GAN: variants seen among roughly 807,000 people sequenced by gnomAD.
GAN encodes the protein epididymis secretory sperm binding protein.
In GAN, 48 loss-of-function variants were observed where a neutral mutation model predicts 71.3. The ratio of observed to expected loss-of-function variants is 0.67; its 90% CI spans 0.53 to 0.86. GAN has a LOEUF of 0.86. Among genes scored for constraint, GAN ranks in the 40% least tolerant of loss-of-function variants. The probability of loss-of-function intolerance (pLI) is 0.00; values close to 1 mark genes in which losing one functional copy is unlikely to be tolerated. For synonymous variants in GAN, 386 were observed against 276.8 expected, an observed-to-expected ratio of 1.39 and a Z score of -3.92; for missense variants, 928 against 770.1, an observed-to-expected ratio of 1.21 and a Z score of -2.43.
intron 9 of GAN, among the ~76,000 whole-genome samples, chr16:81,375,871 G>C (rs1189333348): frequency 6.6e-6 from 1 of 151,762 alleles, no homozygotes; most frequent in African/African-American, 2.4e-5. Flanking sequence ...TTGGGAGGGT[G>C]GGGTGAGAGG....
At chr16:81,349,625 CAGAGTG>C (rs1442230074) in intron 1 of GAN, among the ~76,000 whole-genome samples, 5 of 152,282 alleles carry the variant, frequency 3.3e-5, no homozygotes, top group African/African-American at 1.2e-4. Context: ...GACTGGGTGA[CAGAGTG>C]AGACCCTGTC....
intron 1 of GAN, among the ~76,000 whole-genome samples, chr16:81,317,742 C>A (rs1909092568): frequency 6.6e-6 from 1 of 152,220 alleles, no homozygotes; most frequent in Non-Finnish European, 1.5e-5. Context: ...TTTCACCGTT[C>A]TCTTTGTGTA....
At chr16:81,376,800 C>T (rs1369913940) in intron 9 of GAN, among the ~76,000 whole-genome samples, 1 of 152,034 alleles carries the variant, frequency 6.6e-6, no homozygotes, top group Non-Finnish European at 1.5e-5. Flanking sequence ...ATCACCTGAA[C>T]TGGTAGGTTG....
chr16:81,345,851 C>G (rs536027024), intron 1 of GAN, among the ~76,000 whole-genome samples: 1 of 152,196 alleles, frequency 6.6e-6, no homozygotes, highest in Non-Finnish European at 1.5e-5. Flanking sequence ...GACAGGAGTT[C>G]TGGGGATGGT....
chr16:81,340,569 A>G (rs1406058652), intron 1 of GAN, among the ~76,000 whole-genome samples: 1 of 152,186 alleles, frequency 6.6e-6, no homozygotes, highest in Admixed American at 6.5e-5. Flanking sequence ...GAAAACTAAC[A>G]AACAGAAAGG....
intron 1 of GAN, among the ~76,000 whole-genome samples, chr16:81,341,661 A>T (rs922116088): frequency 6.6e-6 from 1 of 152,200 alleles, no homozygotes; most frequent in South Asian, 2.1e-4. Context: ...AACAACCGGT[A>T]CCAGCCACTG....
At chr16:81,336,320 G>C (rs1255376921) in intron 1 of GAN, among the ~76,000 whole-genome samples, 1 of 152,224 alleles carries the variant, frequency 6.6e-6, no homozygotes, top group Non-Finnish European at 1.5e-5. Flanking sequence ...GTGAGATAGA[G>C]GGGTTGGTAT....
intron 1 of GAN, among the ~76,000 whole-genome samples, chr16:81,329,454 C>G (rs537731088): frequency 3.9e-5 from 6 of 152,328 alleles, no homozygotes; most frequent in South Asian, 4.1e-4. Context: ...ATTTCCCTGA[C>G]CTTGCAACCA....
intron 1 of GAN, among the ~76,000 whole-genome samples, chr16:81,325,261 C>G (rs890966898): frequency 3.9e-5 from 6 of 152,184 alleles, no homozygotes. Flanking sequence ...ATACTTCTAG[C>G]TGTAGGAATT....
At chr16:81,343,997 G>C (rs1315595100) in intron 1 of GAN, among the ~76,000 whole-genome samples, 1 of 152,174 alleles carries the variant, frequency 6.6e-6, no homozygotes, top group Admixed American at 6.5e-5. Flanking sequence ...AATCATGAGT[G>C]AACTCCCATT....
chr16:81,327,027 G>T (rs534154600), intron 1 of GAN, among the ~76,000 whole-genome samples: 1 of 152,192 alleles, frequency 6.6e-6, no homozygotes, highest in Non-Finnish European at 1.5e-5. Context: ...AGGGCAAAGG[G>T]ACAGAATAAA....
At chr16:81,326,448 G>C (rs945450324) in intron 1 of GAN, among the ~76,000 whole-genome samples, 1 of 152,112 alleles carries the variant, frequency 6.6e-6, no homozygotes, top group African/African-American at 2.4e-5. Flanking sequence ...CAGGAGAATT[G>C]TTTGAACCCG....
chr16:81,370,486 A>T (rs1335632802), intron 9 of GAN, among the ~76,000 whole-genome samples: 1 of 152,270 alleles, frequency 6.6e-6, no homozygotes, highest in African/African-American at 2.4e-5. Context: ...GAAATAGCTA[A>T]TGTAGGAAGC....
At chr16:81,322,777 A>G (rs1210606342) in intron 1 of GAN, among the ~76,000 whole-genome samples, 2 of 152,188 alleles carry the variant, frequency 1.3e-5, no homozygotes, top group Non-Finnish European at 2.9e-5. Context: ...TAAATGGTTT[A>G]GTATTACTGA....
intron 1 of GAN, among the ~76,000 whole-genome samples, chr16:81,328,395 A>G (rs192873611): frequency 2.6e-4 from 39 of 152,358 alleles, no homozygotes; most frequent in Admixed American, 2.4e-3. Flanking sequence ...ACATCATATT[A>G]CTGTTTCATA....
chr16:81,367,979 A>G (rs1430407068), intron 9 of GAN, among the ~76,000 whole-genome samples: 2 of 152,264 alleles, frequency 1.3e-5, no homozygotes, highest in Non-Finnish European at 2.9e-5. Context: ...TTATATTGGC[A>G]TAGTGTGGAA....
intron 9 of GAN, among the ~76,000 whole-genome samples, chr16:81,365,721 T>A (rs1910834281): frequency 6.6e-6 from 1 of 151,690 alleles, no homozygotes; most frequent in African/African-American, 2.4e-5. Context: ...TAAAATCATT[T>A]ATTGGCTCCC....
chr16:81,363,165 C>A (rs530772947), intron 6 of GAN, among the ~76,000 whole-genome samples: 1 of 152,264 alleles, frequency 6.6e-6, no homozygotes, highest in Non-Finnish European at 1.5e-5. Flanking sequence ...CTGTCCTCCA[C>A]AGCCCTTTCT....
intron 1 of GAN, among the ~76,000 whole-genome samples, chr16:81,345,961 G>A (rs994480166): frequency 1.3e-5 from 2 of 152,188 alleles, no homozygotes; most frequent in South Asian, 2.1e-4. Flanking sequence ...AATAGGGTTC[G>A]TGCTCCTATG....
Sources: allele counts gnomAD v4.1 joint callset (sites outside exome capture counted in the v4.1 genomes callset), GRCh38; gene constraint gnomAD v4.1.1; transcripts MANE v1.5; gene names NCBI Gene and HGNC (gene_info 2026-07-23, HGNC 2026-07-21).